Variants in ENOX2 observed in about 807,000 individuals in gnomAD.
ENOX2 encodes the protein ecto-NOX disulfide-thiol exchanger 2, also known as APK1 antigen.
In ENOX2, 36 loss-of-function variants were observed where a neutral mutation model predicts 45.0. The ratio of observed to expected loss-of-function variants is 0.80; its 90% CI spans 0.61 to 1.06. The LOEUF is 1.06. ENOX2 is among the 50% of genes least tolerant of loss of function. The pLI is 0.00. For synonymous variants in ENOX2, 174 were observed against 152.3 expected, an observed-to-expected ratio of 1.14 and a Z score of -1.05; for missense variants, 423 against 462.5, an observed-to-expected ratio of 0.91 and a Z score of 0.78.
intron 2 of ENOX2, among the ~76,000 whole-genome samples, chrX:130,791,026 C>T (rs946834016): frequency 1.8e-5 from 2 of 112,096 alleles, no homozygotes; most frequent in African/African-American, 6.5e-5. Flanking sequence ...CAGGGTCTCA[C>T]TATGTTGCCC....
intron 2 of ENOX2, among the ~76,000 whole-genome samples, chrX:130,862,504 T>A (rs1248345700): frequency 9.1e-6 from 1 of 110,242 alleles, no homozygotes; most frequent in Non-Finnish European, 1.9e-5. Context: ...TATATATGTA[T>A]ACATACATAC....
At chrX:130,853,243 C>T (rs1382708996) in intron 2 of ENOX2, among the ~76,000 whole-genome samples, 22 of 108,904 alleles carry the variant, frequency 2.0e-4, no homozygotes, top group Middle Eastern at 4.8e-3. Flanking sequence ...TTTGGGAGGC[C>T]GAGGCGGGCG....
intron 6 of ENOX2, among the ~76,000 whole-genome samples, chrX:130,673,394 C>A (rs183202718): frequency 3.0e-3 from 316 of 106,259 alleles, no homozygotes; most frequent in Middle Eastern, 5.1e-3. Flanking sequence ...TAAGGAAGCT[C>A]AATGAGATCC....
chrX:130,896,365 C>CA lies in ENOX2; in HGVS notation c.-183+5318dup, dbSNP rs1206770979. 2.7e-5 allele frequency among the ~76,000 whole-genome samples: 3 copies of CA among 109,908 alleles called. No individual in the cohort carries two copies. The Admixed American group carries it at 2.9e-4, about 11-fold the overall frequency. ...AGCTATCCCACTGAGAAAAAAAAAA[C>CA]AAAAAAACACACATCCCCACGGGTA... On this transcript the variant is annotated intron_variant, in intron 2 of 14. Transcript: ENST00000394363.
intron 3 of ENOX2, among the ~76,000 whole-genome samples, chrX:130,763,177 T>C (rs2039533118): frequency 9.0e-6 from 1 of 111,725 alleles, no homozygotes; most frequent in Non-Finnish European, 1.9e-5. Flanking sequence ...GTTTTGCTTA[T>C]TGTGTTCTTT....
intron 3 of ENOX2, among the ~76,000 whole-genome samples, chrX:130,740,192 G>A (rs1389462451): frequency 8.9e-6 from 1 of 111,807 alleles, no homozygotes; most frequent in East Asian, 2.8e-4. Flanking sequence ...CCTGAGGCCA[G>A]GAGTTTGAAA....
chrX:130,689,178 T>C (rs2037526140), intron 4 of ENOX2, among the ~76,000 whole-genome samples, 160 bp from the exon 5 acceptor site: 1 of 112,147 alleles, frequency 8.9e-6, no homozygotes, highest in African/African-American at 3.2e-5. Context: ...TATTATCTTA[T>C]AGTTGTGCAT....
intron 3 of ENOX2, among the ~76,000 whole-genome samples, chrX:130,742,667 C>T (rs1236697020): frequency 9.0e-6 from 1 of 111,498 alleles, no homozygotes; most frequent in Non-Finnish European, 1.9e-5. Flanking sequence ...ATAAACTGTC[C>T]CATTGAAATC....
At chrX:130,696,092 T>G (rs1260468255) in intron 4 of ENOX2, among the ~76,000 whole-genome samples, 1 of 112,094 alleles carries the variant, frequency 8.9e-6, no homozygotes, top group African/African-American at 3.2e-5. Context: ...AGGGCCTGGC[T>G]CATGTACAAC....
intron 12 of ENOX2, among the ~76,000 whole-genome samples, chrX:130,633,677 G>A (rs2035849906): frequency 8.9e-6 from 1 of 112,149 alleles, no homozygotes; most frequent in African/African-American, 3.2e-5. Context: ...AATGTCCTTA[G>A]GTCAAATTGT....
At chrX:130,659,880 T>C (rs1475173969) in intron 9 of ENOX2, among the ~76,000 whole-genome samples, 1 of 112,133 alleles carries the variant, frequency 8.9e-6, no homozygotes, top group Non-Finnish European at 1.9e-5. Context: ...AAAACATCTT[T>C]CTTCTTCCAG....
intron 3 of ENOX2, among the ~76,000 whole-genome samples, chrX:130,715,904 G>A (rs768689784): frequency 1.6e-4 from 18 of 111,701 alleles, no homozygotes; most frequent in Admixed American, 2.8e-4. Flanking sequence ...ATCTATTGTG[G>A]TGCCTAACTT....
intron 5 of ENOX2, among the ~76,000 whole-genome samples, chrX:130,688,010 A>C (rs1044492140): frequency 8.9e-6 from 1 of 112,043 alleles, no homozygotes; most frequent in Non-Finnish European, 1.9e-5. Flanking sequence ...AAACCACTGA[A>C]TGTATCTCTT....
At chrX:130,879,935 A>T (rs1358565519) in intron 2 of ENOX2, among the ~76,000 whole-genome samples, 1 of 111,799 alleles carries the variant, frequency 8.9e-6, no homozygotes, top group Non-Finnish European at 1.9e-5. Flanking sequence ...CTCTTTACAC[A>T]TTTCTCAAAA....
intron 3 of ENOX2, among the ~76,000 whole-genome samples, chrX:130,731,899 T>G (rs2038746428): frequency 9.0e-6 from 1 of 111,614 alleles, no homozygotes; most frequent in Admixed American, 9.5e-5. Context: ...TATATCACAC[T>G]CAATAGTGAA....
rs1005280789 is a variant in ENOX2 at position 130,623,584 on chromosome X, G to C, written c.*1730C>G. ...TAACTGTAAATGGAAAGTTTCCCTT[G>C]ATTTCATAGATATTATTAAAATTAG... On this transcript the variant is annotated 3_prime_UTR_variant, in exon 15 of 15. Transcript: ENST00000394363. 7 of 111,617 alleles carry C rather than the reference G, an allele frequency of 6.3e-5. No individual in the cohort carries two copies. Among genetic ancestry groups the C allele is most frequent in the Admixed American group, 5.7e-4 (6 of 10,520 alleles). 9.2% of individuals were successfully genotyped at this position (111,617 alleles called of 1,213,427 possible). A position where few individuals can be genotyped will look rare whatever the true frequency, so the allele number is the denominator to read the frequency against.
rs918354511 is a variant in ENOX2, at chrX:130,696,749, T to TCA, written c.97+6369_97+6370dup. On this transcript the variant is annotated intron_variant, in intron 4 of 14. Coordinates refer to ENST00000394363, the MANE Select transcript of ENOX2 (RefSeq NM_006375.4). Reference sequence around the variant, plus strand: ...AAAAATTTCTTTCAGAACTAGAATGTCACACACACACACACATTATTAAGG... The same window carrying TCA: ...AAAAATTTCTTTCAGAACTAGAATGTCACACACACACACACACATTATTAAGG... Among the ~76,000 whole-genome samples, 13 of 110,396 alleles carry TCA rather than the reference T, an allele frequency of 1.2e-4. No homozygotes were observed. In the East Asian group the frequency reaches 1.7e-3, roughly 15 times the overall value.
chrX:130,802,342 G>C (rs1341075604), intron 2 of ENOX2, among the ~76,000 whole-genome samples: 3 of 112,357 alleles, frequency 2.7e-5, no homozygotes, highest in African/African-American at 6.5e-5. Context: ...TGTCTTGCTT[G>C]ATACAGTGAG....
At chrX:130,804,296 A>C (rs1022546034) in intron 2 of ENOX2, among the ~76,000 whole-genome samples, 2 of 111,977 alleles carry the variant, frequency 1.8e-5, no homozygotes, top group African/African-American at 6.5e-5. Flanking sequence ...TCTTAAACAC[A>C]GAACTGCCAC....
Sources: allele counts gnomAD v4.1 joint callset (sites outside exome capture counted in the v4.1 genomes callset), GRCh38; gene constraint gnomAD v4.1.1; transcripts MANE v1.5; gene names NCBI Gene and HGNC (gene_info 2026-07-23, HGNC 2026-07-21).